The following LOC128462377 variants were observed in gnomAD, a reference collection of about 807,000 sequenced individuals.
At chr16:89,404,839 C>T in the LOC128462377 span, among the ~76,000 whole-genome samples, 1 of 152,344 alleles carries the variant, frequency 6.6e-6, no homozygotes, top group East Asian at 1.9e-4. Flanking sequence ...GCTGAATGTA[C>T]TACACAATAA....
the LOC128462377 span, among the ~76,000 whole-genome samples, chr16:89,408,285 C>T: frequency 6.6e-6 from 1 of 152,268 alleles, no homozygotes; most frequent in African/African-American, 2.4e-5. Context: ...AGCCCTTCCA[C>T]ATTCACTTTA....
the LOC128462377 span, among the ~76,000 whole-genome samples, chr16:89,347,810 T>C: frequency 6.6e-6 from 1 of 152,120 alleles, no homozygotes; most frequent in Non-Finnish European, 1.5e-5. Flanking sequence ...GAAAAACATA[T>C]TCAGTTTTTC....
the LOC128462377 span, among the ~76,000 whole-genome samples, chr16:89,337,539 C>T: frequency 6.8e-6 from 1 of 146,984 alleles, no homozygotes; most frequent in Non-Finnish European, 1.5e-5. Context: ...CGGGTTCACG[C>T]CATTCTCCTG....
the LOC128462377 span, among the ~76,000 whole-genome samples, chr16:89,353,624 T>C: frequency 1.3e-5 from 2 of 152,022 alleles, no homozygotes; most frequent in Non-Finnish European, 2.9e-5. Flanking sequence ...ATTACAGGCA[T>C]GCACAACCAC....
the LOC128462377 span, among the ~76,000 whole-genome samples, chr16:89,414,414 C>T: frequency 6.6e-6 from 1 of 152,170 alleles, no homozygotes; most frequent in Non-Finnish European, 1.5e-5. Flanking sequence ...CTGGGGTCAT[C>T]GGGGGTCACG....
At chr16:89,370,347 A>C in the LOC128462377 span, among the ~76,000 whole-genome samples, 1 of 152,172 alleles carries the variant, frequency 6.6e-6, no homozygotes, top group Non-Finnish European at 1.5e-5. Context: ...TGCAGTCCAG[A>C]AGGGGAGACA....
At chr16:89,415,659 C>G in the LOC128462377 span, among the ~76,000 whole-genome samples, 1 of 151,004 alleles carries the variant, frequency 6.6e-6, no homozygotes, top group Non-Finnish European at 1.5e-5. Context: ...GAAACCCTAT[C>G]TCTACTAAAA....
At chr16:89,399,115 G>C in the LOC128462377 span, among the ~76,000 whole-genome samples, 1 of 152,156 alleles carries the variant, frequency 6.6e-6, no homozygotes, top group Non-Finnish European at 1.5e-5. Flanking sequence ...CACAGCCCAG[G>C]TGGCTCCGAA....
the LOC128462377 span, among the ~76,000 whole-genome samples, chr16:89,384,680 C>T: frequency 2.6e-5 from 4 of 152,192 alleles, no homozygotes; most frequent in South Asian, 8.3e-4. Flanking sequence ...ACACAAACTA[C>T]AGAAAGAATA....
the LOC128462377 span, among the ~76,000 whole-genome samples, chr16:89,380,499 C>T: frequency 2.6e-5 from 4 of 152,190 alleles, no homozygotes; most frequent in Admixed American, 2.6e-4. Context: ...CTCCAGAGAA[C>T]GACCAGCAGT....
At chr16:89,357,079 G>A in the LOC128462377 span, among the ~76,000 whole-genome samples, 4 of 152,224 alleles carry the variant, frequency 2.6e-5, no homozygotes, top group East Asian at 3.8e-4. Flanking sequence ...ATAGCCAAAG[G>A]GCAGTGGTGG....
the LOC128462377 span, among the ~76,000 whole-genome samples, chr16:89,413,744 G>C: frequency 2.0e-5 from 3 of 152,208 alleles, no homozygotes; most frequent in South Asian, 2.1e-4. Context: ...AGCATTCTAC[G>C]GCAGGACACA....
the LOC128462377 span, among the ~76,000 whole-genome samples, chr16:89,385,797 T>G: frequency 9.9e-5 from 15 of 152,252 alleles, no homozygotes; most frequent in Non-Finnish European, 1.8e-4. Context: ...AGAGCCTGCC[T>G]GCCTCACCCC....
the LOC128462377 span, among the ~76,000 whole-genome samples, chr16:89,390,686 G>T: frequency 2.6e-5 from 4 of 152,092 alleles, no homozygotes; most frequent in Non-Finnish European, 4.4e-5. Context: ...GGTTCTCGGG[G>T]AAACAGTGAG....
At chr16:89,390,213 A>T in the LOC128462377 span, among the ~76,000 whole-genome samples, 1 of 114,040 alleles carries the variant, frequency 8.8e-6, no homozygotes, top group Admixed American at 8.7e-5. Flanking sequence ...GCGAACACCG[A>T]GTGTGGCGGG....
the LOC128462377 span, among the ~76,000 whole-genome samples, chr16:89,327,679 A>G: frequency 8.4e-5 from 12 of 143,540 alleles, no homozygotes; most frequent in African/African-American, 2.9e-4. Context: ...TCTACATGCT[A>G]GCAATAATCA....
At chr16:89,392,747 C>A in the LOC128462377 span, 1 of 148,002 alleles carries the variant, frequency 6.8e-6, no homozygotes, top group African/African-American at 2.5e-5. Context: ...TCCGGCACAC[C>A]CAGAACCTGC....
the LOC128462377 span, among the ~76,000 whole-genome samples, chr16:89,382,030 A>T: frequency 1.3e-5 from 2 of 152,322 alleles, no homozygotes; most frequent in African/African-American, 4.8e-5. Context: ...AGCCAGCACG[A>T]CTGTCCAGGC....
chr16:89,375,192 A>G, the LOC128462377 span, among the ~76,000 whole-genome samples: 1 of 152,106 alleles, frequency 6.6e-6, no homozygotes, highest in South Asian at 2.1e-4. Flanking sequence ...TACCGCGGTG[A>G]GCTCAAGTGT....
Sources: allele counts gnomAD v4.1 joint callset (sites outside exome capture counted in the v4.1 genomes callset), GRCh38; gene constraint gnomAD v4.1.1; transcripts MANE v1.5.